Variants in RNF32 observed in about 807,000 individuals in gnomAD.
RNF32 encodes ring finger protein 32.
In RNF32, 36 loss-of-function variants were observed where a neutral mutation model predicts 41.0. The observed-to-expected ratio is 0.88, with a 90% CI of 0.67 to 1.16. RNF32 has a LOEUF of 1.16. Among genes scored for constraint, RNF32 ranks in the 50% most tolerant of loss-of-function variants. The pLI is 0.00. For missense variants in RNF32, 413 were observed against 436.7 expected (o/e 0.95, Z 0.48); for synonymous variants, 154 against 160.9 (o/e 0.96, Z 0.32).
chr7:156,654,570 C>CTTTA lies in RNF32; in HGVS notation c.275-5_275-2dup. 1 of 1,613,364 alleles carries CTTTA rather than the reference C, an allele frequency of 6.2e-7. No individual in the cohort carries two copies. Among genetic ancestry groups the CTTTA allele is most frequent in the Non-Finnish European group, 8.5e-7 (1 of 1,179,362 alleles). On this transcript the variant is annotated splice_region_variant and splice_polypyrimidine_tract_variant and intron_variant, in intron 3 of 8. Transcript: ENST00000317955. ...CTAACTCCTGTCCTGTGCTGTCTTA[C>CTTTA]TTTAGCACAGAAGTTGGGCCTCATT...
At chr7:156,656,824 C>A (rs1799754732) in intron 4 of RNF32, among the ~76,000 whole-genome samples, 1 of 152,256 alleles carries the variant, frequency 6.6e-6, no homozygotes, top group Non-Finnish European at 1.5e-5. Flanking sequence ...CTGAAAGCAG[C>A]CCCTCCCAAG....
At chr7:156,659,646 C>G (rs1007569269) in intron 7 of RNF32, 1 of 925,822 alleles carries the variant, frequency 1.1e-6, no homozygotes, top group Non-Finnish European at 1.3e-6. Context: ...TTCATGTGCA[C>G]ACATCATTTT....
chr7:156,673,534 A>C (rs1803074155), intron 7 of RNF32, among the ~76,000 whole-genome samples: 1 of 152,208 alleles, frequency 6.6e-6, no homozygotes, highest in African/African-American at 2.4e-5. Context: ...TTCAGAGTGA[A>C]AGAGAATTTG....
Position 156,643,804 on chromosome 7 carries a change from A to G in RNF32, c.-74A>G. 1 of 1,367,074 alleles carries G rather than the reference A, an allele frequency of 7.3e-7. No homozygotes were observed. The highest frequency in any genetic ancestry group is 1.0e-6 in the Non-Finnish European group (1 of 958,842). The allele number at this position is 1,367,074 out of a possible 1,614,324, so 84.7% of individuals were successfully genotyped here. A position where few individuals can be genotyped will look rare whatever the true frequency, so the allele number is the denominator to read the frequency against. On this transcript the variant is annotated 5_prime_UTR_variant, in exon 2 of 9. Coordinates refer to ENST00000317955, the MANE Select transcript of RNF32 (RefSeq NM_030936.4). ...TCTGTTGACCACGTCTTTGCAGCAG[A>G]AGAATAGAAGGAAGGTGATAGGATG...
At chr7:156,658,716 C>A in intron 7 of RNF32, 146 bp downstream of exon 7, 1 of 763,410 alleles carries the variant, frequency 1.3e-6, no homozygotes, top group Non-Finnish European at 2.2e-6. Context: ...TGCTAAAAAT[C>A]CTGTTTAACT....
At chr7:156,661,434 C>G (rs1260852959) in intron 7 of RNF32, among the ~76,000 whole-genome samples, 1 of 151,856 alleles carries the variant, frequency 6.6e-6, no homozygotes, top group African/African-American at 2.4e-5. Context: ...ATTCTCCTAT[C>G]TCAACCTCTT....
intron 7 of RNF32, among the ~76,000 whole-genome samples, chr7:156,673,480 A>C (rs1434366771): frequency 6.6e-6 from 1 of 152,222 alleles, no homozygotes; most frequent in African/African-American, 2.4e-5. Flanking sequence ...TTACCGATTC[A>C]AGACCCTAAA....
intron 7 of RNF32, among the ~76,000 whole-genome samples, chr7:156,671,826 G>A (rs1020041174): frequency 7.0e-6 from 1 of 143,412 alleles, no homozygotes; most frequent in Non-Finnish European, 1.5e-5. Context: ...CGGTGCAGCT[G>A]AGGCTAGAAA....
intron 1 of RNF32, among the ~76,000 whole-genome samples, chr7:156,641,524 AGT>A (rs1797315086): frequency 1.3e-5 from 2 of 152,234 alleles, no homozygotes; most frequent in Admixed American, 1.3e-4. Context: ...TCATTTATAA[AGT>A]GGAGTTGGAG....
chr7:156,651,786 T>C (rs1440396393), intron 3 of RNF32, among the ~76,000 whole-genome samples: 1 of 152,208 alleles, frequency 6.6e-6, no homozygotes, highest in Non-Finnish European at 1.5e-5. Flanking sequence ...GTTTCCTCTA[T>C]CATCACTCAT....
At chr7:156,646,103 T>C (rs7800925) in intron 3 of RNF32, among the ~76,000 whole-genome samples, 49,251 of 152,120 alleles carry the variant, frequency 0.32, 8,846 homozygotes, top group African/African-American at 0.48. Flanking sequence ...TGCCTGTAAA[T>C]AAAGGCATGC....
At chr7:156,646,630 T>G in intron 3 of RNF32, 1 of 579,660 alleles carries the variant, frequency 1.7e-6, no homozygotes, top group South Asian at 1.9e-5. Flanking sequence ...GGGGAGAACT[T>G]CCATTTAGAT....
At chr7:156,656,373 A>G (rs972567333) in intron 4 of RNF32, among the ~76,000 whole-genome samples, 1 of 152,248 alleles carries the variant, frequency 6.6e-6, no homozygotes, top group Non-Finnish European at 1.5e-5. Flanking sequence ...ACTGACGTCT[A>G]ATGTTGCTCC....
At chr7:156,655,004 G>A (rs1799385007) in intron 4 of RNF32, 1 of 231,386 alleles carries the variant, frequency 4.3e-6, no homozygotes, top group South Asian at 1.4e-4. Flanking sequence ...ACAACTGGGG[G>A]GCTTCCCAGG....
intron 7 of RNF32, among the ~76,000 whole-genome samples, chr7:156,663,008 C>A (rs893828541): frequency 6.6e-6 from 1 of 151,914 alleles, no homozygotes; most frequent in Admixed American, 6.6e-5. Flanking sequence ...CCACCATGCC[C>A]GGCTAATTGT....
intron 7 of RNF32, among the ~76,000 whole-genome samples, chr7:156,663,782 TACTA>T (rs2131560290): frequency 6.6e-6 from 1 of 152,310 alleles, no homozygotes; most frequent in South Asian, 2.1e-4. Context: ...AATTTTAGTG[TACTA>T]AAGAAGGTAT....
At chr7:156,674,853 T>C (rs962563108) in intron 7 of RNF32, among the ~76,000 whole-genome samples, 62 of 152,242 alleles carry the variant, frequency 4.1e-4, no homozygotes, top group African/African-American at 1.4e-3. Context: ...ACAGTATGTT[T>C]CTATGGGACA....
intron 7 of RNF32, among the ~76,000 whole-genome samples, chr7:156,662,847 CTTTT>C (rs55909570): frequency 3.1e-5 from 4 of 130,432 alleles, no homozygotes; most frequent in Admixed American, 7.7e-5. Flanking sequence ...AACAGCCATT[CTTTT>C]TTTTTTTTTT....
chr7:156,641,255 G>C (rs543267910), intron 1 of RNF32, among the ~76,000 whole-genome samples: 99 of 152,290 alleles, frequency 6.5e-4, no homozygotes, highest in African/African-American at 2.3e-3. Context: ...ACCCTACGTA[G>C]GATTGCATCT....
Sources: gnomAD v4.1 joint callset for allele counts (sites outside exome capture counted in the v4.1 genomes callset) on GRCh38, gnomAD v4.1.1 for gene constraint, MANE v1.5 for transcripts, NCBI Gene and HGNC (gene_info 2026-07-23, HGNC 2026-07-21) for gene names.